The following SPACA9 variants were observed in gnomAD, a reference collection of about 807,000 sequenced individuals.
SPACA9 encodes the protein sperm acrosome-associated protein 9.
SPACA9 carries 14 observed loss-of-function variants against 12.5 expected under a neutral mutation model. The observed-to-expected ratio is 1.12, with a 90% confidence interval of 0.74 to 1.75. The LOEUF is 1.75. Among genes scored for constraint, SPACA9 ranks in the 40% most tolerant of loss-of-function variants. SPACA9 has a pLI of 0.00. For synonymous variants in SPACA9, 111 were observed against 114.1 expected, an observed-to-expected ratio of 0.97 and a Z score of 0.17; for missense variants, 292 against 291.9, an observed-to-expected ratio of 1.00 and a Z score of 0.00.
Position 132,883,906 on chromosome 9 carries a change from C to T in SPACA9, c.-37-5C>T, listed in dbSNP as rs1395659139. 1 of 1,608,506 alleles carries T rather than the reference C, an allele frequency of 6.2e-7. No homozygotes were observed. The highest frequency in any genetic ancestry group is 8.5e-7 in the Non-Finnish European group (1 of 1,175,214). ...ACCTCATCACTATCCTCTGTCTCCCCATAGATTCCTCTTCTCCTGTAAATG... is the reference window on the plus strand; with the variant it reads ...ACCTCATCACTATCCTCTGTCTCCCTATAGATTCCTCTTCTCCTGTAAATG... On this transcript the variant is annotated splice_region_variant and splice_polypyrimidine_tract_variant and intron_variant, in intron 1 of 3. Transcript: ENST00000356311.
At chr9:132,885,077 TA>T in intron 2 of SPACA9, among the ~76,000 whole-genome samples, 1 of 151,482 alleles carries the variant, frequency 6.6e-6, no homozygotes, top group Non-Finnish European at 1.5e-5. Flanking sequence ...TGCGCCACTG[TA>T]CTCCAGCCTG....
At chr9:132,878,707 G>T, upstream of SPACA9, 1 of 988,560 alleles carries the variant, frequency 1.0e-6, no homozygotes. The surrounding 1 kb of genome is among the most constrained non-coding windows in gnomAD (Gnocchi z 4.7). Context: ...GGGGAGGGGC[G>T]TCCATGAGAT....
chr9:132,881,285 GAAAAAA>G (rs1326698941), intron 1 of SPACA9, among the ~76,000 whole-genome samples: 2 of 96,464 alleles, frequency 2.1e-5, no homozygotes, highest in South Asian at 7.4e-4. Flanking sequence ...AAAAAAAAAA[GAAAAAA>G]AAGAAGAAAA....
chr9:132,878,510 T>C, upstream of SPACA9: 1 of 1,196,884 alleles, frequency 8.4e-7, no homozygotes, highest in South Asian at 4.3e-5. The surrounding 1 kb of genome is among the most constrained non-coding windows in gnomAD (Gnocchi z 4.7). Context: ...TCAGGTGGCT[T>C]CCAGCTGGGC....
At position 132,883,958 on chromosome 9, in the gene SPACA9, T is replaced by C; in HGVS notation, c.11T>C (p.Val4Ala). The C allele has an allele frequency of 6.2e-7, 1 of 1,614,068 alleles. No individual in the cohort carries two copies. The highest frequency in any genetic ancestry group is 1.1e-5 in the South Asian group (1 of 91,068). Residue 4 changes from valine to alanine, a missense_variant, in exon 2 of 4, where the codon GTG (valine) becomes GCG (alanine). By Grantham distance (64) the Val-to-Ala change is moderately conservative. Coordinates refer to ENST00000356311, the MANE Select transcript of SPACA9 (RefSeq NM_001316897.2). Reference sequence around the variant, plus strand: ...CCACAGAGGAAGACAATGAATGAGGTGAAAGAATCCCTTCGCAGCATCGAG... The same window carrying C: ...CCACAGAGGAAGACAATGAATGAGGCGAAAGAATCCCTTCGCAGCATCGAG... MNE[V>A]KESLRSIEQK...
At chr9:132,882,462 C>T (rs1844454400) in intron 1 of SPACA9, among the ~76,000 whole-genome samples, 1 of 123,524 alleles carries the variant, frequency 8.1e-6, no homozygotes, top group Non-Finnish European at 1.7e-5. Flanking sequence ...TACCCTGCCT[C>T]TTTTTTTTTT....
Position 132,887,655 on chromosome 9 carries a change from C to T in SPACA9, c.347+84C>T. On this transcript the variant is annotated intron_variant, in intron 3 of 3. Coordinates refer to ENST00000356311, the MANE Select transcript of SPACA9 (RefSeq NM_001316897.2). This position sits in a 1 kb window ranked among gnomAD's most constrained non-coding sequence, Gnocchi z 5.4. ...CCTGCTTCTTTCCTGTTGCCTGGAT[C>T]ATGGTGCTCCTATTAGACCACCCCG... The T allele has an allele frequency of 1.6e-6, 2 of 1,218,830 alleles. No individual in the cohort carries two copies. Among genetic ancestry groups the T allele is most frequent in the Non-Finnish European group, 1.2e-6 (1 of 837,492 alleles). 75.5% of individuals were successfully genotyped at this position (1,218,830 alleles called of 1,614,324 possible).
At chr9:132,885,293 C>A (rs1271545429) in intron 2 of SPACA9, among the ~76,000 whole-genome samples, 1 of 151,800 alleles carries the variant, frequency 6.6e-6, no homozygotes, top group African/African-American at 2.4e-5. Context: ...GTGAGTGGAT[C>A]ACCTGAGGCC....
intron 1 of SPACA9, among the ~76,000 whole-genome samples, chr9:132,881,087 G>C (rs1844411806): frequency 6.6e-6 from 1 of 151,714 alleles, no homozygotes; most frequent in Non-Finnish European, 1.5e-5. Context: ...GCCTCCCAAA[G>C]TGCTGGGATT....
chr9:132,887,035 C>T lies in SPACA9; in HGVS notation c.145-334C>T, dbSNP rs1354219543. 6.6e-6 allele frequency among the ~76,000 whole-genome samples: 1 copy of T among 151,978 alleles called. No homozygotes were observed. Among genetic ancestry groups the T allele is most frequent in the Non-Finnish European group, 1.5e-5 (1 of 68,000 alleles). ...CCATGTTGACCAGGCTGGTCTCGAA[C>T]TCCTGACCTCAAGTGATCCCCGCCC... On this transcript the variant is annotated intron_variant, in intron 2 of 3. Coordinates refer to ENST00000356311, the MANE Select transcript of SPACA9 (RefSeq NM_001316897.2). This position sits in a 1 kb window ranked among gnomAD's most constrained non-coding sequence, Gnocchi z 5.4.
chr9:132,886,168 C>G (rs1467094965), intron 2 of SPACA9, among the ~76,000 whole-genome samples: 3 of 152,228 alleles, frequency 2.0e-5, no homozygotes, highest in Non-Finnish European at 2.9e-5. Context: ...GGAGGTGATA[C>G]CTGCATCTGT....
chr9:132,890,177 G>T (rs2040557), downstream of SPACA9: 1 of 402,586 alleles, frequency 2.5e-6, no homozygotes, highest in African/African-American at 2.1e-5. Flanking sequence ...GTCTCAAGTC[G>T]GCTTCTAAGA....
At chr9:132,881,065 C>T (rs1844411338) in intron 1 of SPACA9, among the ~76,000 whole-genome samples, 1 of 151,706 alleles carries the variant, frequency 6.6e-6, no homozygotes, top group Admixed American at 6.6e-5. Context: ...ACTTCGTGAT[C>T]CACCCACCTC....
chr9:132,878,853 C>A, upstream of SPACA9: 1 of 861,206 alleles, frequency 1.2e-6, no homozygotes, highest in South Asian at 5.3e-5. The surrounding 1 kb of genome is among the most constrained non-coding windows in gnomAD (Gnocchi z 4.7). Flanking sequence ...CGGTAACAAT[C>A]ACGCCCGCGG....
chr9:132,887,720 T>G lies in SPACA9; in HGVS notation c.347+149T>G. ...GTCTCCACTCATTTATTGGAATGAC[T>G]CGGATTCAACAAAACCTTTTCTTTA... On this transcript the variant is annotated intron_variant, in intron 3 of 3. Coordinates refer to ENST00000356311, the MANE Select transcript of SPACA9 (RefSeq NM_001316897.2). This position sits in a 1 kb window ranked among gnomAD's most constrained non-coding sequence, Gnocchi z 5.4. 1.5e-6 allele frequency: 1 copy of G among 669,036 alleles called. No homozygotes were observed. The allele number at this position is 669,036 out of a possible 1,614,324, so 41.4% of individuals were successfully genotyped here.
At chr9:132,881,878 G>A (rs1328722129) in intron 1 of SPACA9, among the ~76,000 whole-genome samples, 1 of 152,100 alleles carries the variant, frequency 6.6e-6, no homozygotes, top group African/African-American at 2.4e-5. Context: ...GTTTTGCATG[G>A]GGGCAAGTGT....
chr9:132,889,164 G>A lies in SPACA9; in HGVS notation c.*553G>A, dbSNP rs1844665851. 7 of 989,348 alleles carry A rather than the reference G, an allele frequency of 7.1e-6. No individual in the cohort carries two copies. The highest frequency in any genetic ancestry group is 8.4e-6 in the Non-Finnish European group (7 of 832,370). 61.3% of individuals were successfully genotyped at this position (989,348 alleles called of 1,614,324 possible). A position where few individuals can be genotyped will look rare whatever the true frequency, so the allele number is the denominator to read the frequency against. ...TTACAGAAGTTGCCCAAACAGGATG[G>A]TGTGGTAGAGGGTCCCAGGAGGGCA... On this transcript the variant is annotated 3_prime_UTR_variant, in exon 4 of 4. Transcript: ENST00000356311.
chr9:132,889,040 G>A lies in SPACA9; in HGVS notation c.*429G>A. ...CGTGATCGGCCTCCCAAAGTGCTGGGATTACAGGCGTGAGCCACAGCGCCC... is the reference window on the plus strand; with the variant it reads ...CGTGATCGGCCTCCCAAAGTGCTGGAATTACAGGCGTGAGCCACAGCGCCC... On this transcript the variant is annotated 3_prime_UTR_variant, in exon 4 of 4. Transcript: ENST00000356311. The A allele has an allele frequency of 2.0e-6, 2 of 993,518 alleles. No homozygotes were observed. Among genetic ancestry groups the A allele is most frequent in the Non-Finnish European group, 2.4e-6 (2 of 831,588 alleles). The allele number at this position is 993,518 out of a possible 1,614,324, so 61.5% of individuals were successfully genotyped here. A position where few individuals can be genotyped will look rare whatever the true frequency, so the allele number is the denominator to read the frequency against.
In SPACA9 at chr9:132,887,392, C is replaced by G; in HGVS notation, c.168C>G (p.Tyr56Ter). Residue 56 changes from tyrosine (Y) to a stop codon, truncating the protein, a stop_gained, in exon 3 of 4, where the codon TAC becomes TAG. Coordinates refer to ENST00000356311, the MANE Select transcript of SPACA9 (RefSeq NM_001316897.2). LOFTEE classifies it high-confidence loss of function. The surrounding 1 kb of genome is among the most constrained non-coding windows in gnomAD (Gnocchi z 5.4). ...AGGTGCAGAGCTACATGGAACACTACTGCAACAGCTCCACAGACCGGCGGG... is the reference window on the plus strand; with the variant it reads ...AGGTGCAGAGCTACATGGAACACTAGTGCAACAGCTCCACAGACCGGCGGG... ...IGQVQSYMEH[Y>*]CNSSTDRRVL... 1 of 1,613,014 alleles carries G rather than the reference C, an allele frequency of 6.2e-7. No homozygotes were observed. The highest frequency in any genetic ancestry group is 8.5e-7 in the Non-Finnish European group (1 of 1,180,018).
Sources: allele counts gnomAD v4.1 joint callset (sites outside exome capture counted in the v4.1 genomes callset), GRCh38; gene constraint gnomAD v4.1.1; non-coding constraint Gnocchi (gnomAD v3.1); transcripts MANE v1.5; gene names NCBI Gene and HGNC (gene_info 2026-07-23, HGNC 2026-07-21).